CREB5: variants seen among roughly 807,000 people sequenced by gnomAD.
The protein encoded by CREB5 is cyclic AMP-responsive element-binding protein 5.
Under a neutral mutation model 57.1 loss-of-function variants are expected in CREB5, and 19 were observed. The ratio of observed to expected loss-of-function variants is 0.33; its 90% CI spans 0.23 to 0.49. The LOEUF is 0.49. Among genes scored for constraint, CREB5 ranks in the 20% least tolerant of loss-of-function variants. CREB5 has a pLI of 0.99. For missense variants in CREB5, 579 were observed against 671.6 expected (o/e 0.86, Z 1.52); for synonymous variants, 238 against 238.3 (o/e 1.00, Z 0.01).
chr7:28,628,950 C>A (rs1798103502), intron 5 of CREB5, among the ~76,000 whole-genome samples: 1 of 152,160 alleles, frequency 6.6e-6, no homozygotes, highest in African/African-American at 2.4e-5. Flanking sequence ...AGCCAAACTT[C>A]CAATGCCCCT....
intron 5 of CREB5, among the ~76,000 whole-genome samples, chr7:28,717,134 C>T (rs1328060830): frequency 7.4e-6 from 1 of 134,238 alleles, no homozygotes; most frequent in East Asian, 2.1e-4. Flanking sequence ...GTGGCCCAGG[C>T]TGGAGTGCAG....
chr7:28,613,003 C>A (rs943694067), intron 5 of CREB5, among the ~76,000 whole-genome samples: 2 of 152,098 alleles, frequency 1.3e-5, no homozygotes, highest in African/African-American at 2.4e-5. Context: ...AAACTTCATG[C>A]AGGAATTTGG....
At chr7:28,634,516 A>G (rs894560085) in intron 5 of CREB5, among the ~76,000 whole-genome samples, 5 of 152,170 alleles carry the variant, frequency 3.3e-5, no homozygotes, top group African/African-American at 1.2e-4. Flanking sequence ...TCATTGCTCA[A>G]AAACCTTAGA....
intron 1 of CREB5, among the ~76,000 whole-genome samples, chr7:28,394,632 T>C (rs1262243343): frequency 1.3e-5 from 2 of 152,312 alleles, no homozygotes; most frequent in African/African-American, 4.8e-5. Flanking sequence ...TCCTCATATA[T>C]AATTTATGTT....
intron 1 of CREB5, among the ~76,000 whole-genome samples, chr7:28,478,524 G>A (rs1340763692): frequency 1.3e-5 from 2 of 152,120 alleles, no homozygotes; most frequent in Admixed American, 6.5e-5. Context: ...AGGGCTAATG[G>A]TGCCAGCAAC....
intron 1 of CREB5, among the ~76,000 whole-genome samples, chr7:28,312,369 C>T (rs1429553612): frequency 2.0e-5 from 3 of 152,054 alleles, no homozygotes; most frequent in Non-Finnish European, 2.9e-5. Flanking sequence ...GATACCTACT[C>T]GGATTTCACA....
intron 1 of CREB5, among the ~76,000 whole-genome samples, chr7:28,421,552 T>C (rs1386786496): frequency 6.6e-6 from 1 of 152,040 alleles, no homozygotes; most frequent in Admixed American, 6.6e-5. Context: ...ACGACATTGG[T>C]ATGTGTGTGA....
intron 5 of CREB5, among the ~76,000 whole-genome samples, chr7:28,634,341 C>A (rs1485452594): frequency 6.6e-6 from 1 of 152,174 alleles, no homozygotes; most frequent in Non-Finnish European, 1.5e-5. Context: ...TTAAATTGAA[C>A]TGATATTTTT....
chr7:28,329,590 G>A (rs1044387457), intron 1 of CREB5, among the ~76,000 whole-genome samples: 4 of 152,126 alleles, frequency 2.6e-5, no homozygotes, highest in East Asian at 1.9e-4. Flanking sequence ...TTAAAAAATC[G>A]AATTGCTGGA....
At chr7:28,588,454 T>C (rs140301195) in intron 5 of CREB5, among the ~76,000 whole-genome samples, 12 of 152,340 alleles carry the variant, frequency 7.9e-5, no homozygotes, top group African/African-American at 2.4e-4. Context: ...GGTGTAAGTA[T>C]GCATACACAT....
At chr7:28,597,305 G>A (rs191674524) in intron 5 of CREB5, among the ~76,000 whole-genome samples, 3 of 152,262 alleles carry the variant, frequency 2.0e-5, no homozygotes, top group Admixed American at 2.0e-4. Flanking sequence ...CATCCTCTCA[G>A]GAGCGACACA....
intron 4 of CREB5, among the ~76,000 whole-genome samples, chr7:28,518,813 G>A (rs1793084492): frequency 6.6e-6 from 1 of 152,212 alleles, no homozygotes. Context: ...TTGTGAGGAT[G>A]TGACTTGGAG....
rs1301174604 is a variant in CREB5 at position 28,534,947 on chromosome 7, C to T, written c.291+27210C>T. 2.3e-4 allele frequency among the ~76,000 whole-genome samples: 33 copies of T among 141,162 alleles called. 3 individuals carry two copies. The highest frequency in any genetic ancestry group is 6.3e-5 in the Non-Finnish European group (4 of 63,002). The allele number at this position is 141,162 out of a possible 152,430, so 92.6% of individuals were successfully genotyped here. On this transcript the variant is annotated intron_variant, in intron 4 of 10. Transcript: ENST00000357727. Reference sequence around the variant, plus strand: ...CTGAGTTCTCAAGGCCCTGATGTCCCGTATCACCTCCCAGTTATTTATTTA... The same window carrying T: ...CTGAGTTCTCAAGGCCCTGATGTCCTGTATCACCTCCCAGTTATTTATTTA...
At chr7:28,545,973 C>T (rs1794404435) in intron 4 of CREB5, among the ~76,000 whole-genome samples, 1 of 152,186 alleles carries the variant, frequency 6.6e-6, no homozygotes, top group Non-Finnish European at 1.5e-5. Flanking sequence ...TTTTATTTAT[C>T]CATTTCTACA....
intron 7 of CREB5, among the ~76,000 whole-genome samples, chr7:28,802,078 GAA>G (rs35658848): frequency 7.5e-5 from 2 of 26,638 alleles, no homozygotes; most frequent in African/African-American, 1.4e-4. Flanking sequence ...GACTCCATCT[GAA>G]AAAAAAAAAA....
At chr7:28,524,836 T>C (rs1212765192) in intron 4 of CREB5, among the ~76,000 whole-genome samples, 1 of 152,246 alleles carries the variant, frequency 6.6e-6, no homozygotes, top group East Asian at 1.9e-4. Flanking sequence ...TTGGAGAACA[T>C]TTCAAATCTT....
chr7:28,496,232 C>T (rs1464204867), intron 3 of CREB5, among the ~76,000 whole-genome samples: 2 of 152,210 alleles, frequency 1.3e-5, no homozygotes, highest in African/African-American at 4.8e-5. Context: ...AAATATTTCA[C>T]CTTAGCACTT....
intron 4 of CREB5, 109 bp from the exon 5 acceptor site, chr7:28,570,256 C>T: frequency 2.5e-6 from 3 of 1,202,714 alleles, no homozygotes; most frequent in Admixed American, 4.4e-5. Context: ...AGCCATAACT[C>T]TCTATGTAGT....
At chr7:28,744,457 C>T (rs545065970) in intron 7 of CREB5, among the ~76,000 whole-genome samples, 16 of 147,764 alleles carry the variant, frequency 1.1e-4, no homozygotes, top group African/African-American at 2.0e-4. Flanking sequence ...AAGCGATTCT[C>T]GTGCCTCAGC....
Sources: gnomAD v4.1 joint callset for allele counts (sites outside exome capture counted in the v4.1 genomes callset) on GRCh38, gnomAD v4.1.1 for gene constraint, MANE v1.5 for transcripts, NCBI Gene and HGNC (gene_info 2026-07-23, HGNC 2026-07-21) for gene names.